Variants in TTN observed in about 807,000 individuals in gnomAD.
TTN encodes the protein connectin.
TTN carries 1,525 observed loss-of-function variants against 3,223.0 expected under a neutral mutation model. The ratio of observed to expected loss-of-function variants is 0.47; its 90% confidence interval spans 0.45 to 0.49. The LOEUF (loss-of-function observed/expected upper bound fraction) is 0.49, where lower values mean the gene tolerates loss of function less well. Ranked by LOEUF, TTN falls within the 20% of genes least tolerant of loss-of-function variation. The probability of loss-of-function intolerance (pLI) is 0.00; values close to 1 mark genes in which losing one functional copy is unlikely to be tolerated. For synonymous variants in TTN, 14,094 were observed against 15,161.0 expected, an observed-to-expected ratio of 0.93 and a Z score of 5.17; for missense variants, 40,786 against 43,424.0, an observed-to-expected ratio of 0.94 and a Z score of 5.40.
In TTN at chr2:178,715,139, G is replaced by C. The variant is rs932810095; in HGVS notation, c.26047C>G (p.Leu8683Val). ...ATCTTGTACTTCTTGCCGCTCCTAAGTTCTCTCTTGTCTTTATACCAAGAA... is the reference window on the plus strand; with the variant it reads ...ATCTTGTACTTCTTGCCGCTCCTAACTTCTCTCTTGTCTTTATACCAAGAA... ...HVSWYKDKRE[L>V]RSGKKYKIMS... Residue 8683 changes from leucine to valine, a missense_variant, in exon 90 of 363, where the codon CTT becomes GTT. Physicochemically the swap from Leu to Val is conservative, Grantham distance 32. Transcript: ENST00000589042. The C allele has an allele frequency of 1.7e-5, 27 of 1,613,602 alleles. No homozygotes were observed. Among genetic ancestry groups the C allele is most frequent in the Non-Finnish European group, 2.1e-5 (25 of 1,179,718 alleles).
chr2:178,789,556 T>A, intron 12 of TTN, 59 bp from the exon 13 acceptor site: 1 of 1,606,482 alleles, frequency 6.2e-7, no homozygotes, highest in East Asian at 2.2e-5. Flanking sequence ...ACACATAGTA[T>A]GACCCTTCCC....
Position 178,548,698 on chromosome 2 carries a change from A to C in TTN, c.92928T>G (p.Asp30976Glu). The C allele has an allele frequency of 6.2e-7, 1 of 1,613,842 alleles. No individual in the cohort carries two copies. The highest frequency in any genetic ancestry group is 8.5e-7 in the Non-Finnish European group (1 of 1,179,768). Residue 30976 changes from aspartate to glutamate, a missense_variant, in exon 339 of 363, where the codon GAT becomes GAG. Asp to Glu is a conservative substitution (Grantham distance 45, BLOSUM62 2). Coordinates refer to ENST00000589042, the MANE Select transcript of TTN (RefSeq NM_001267550.2). The surrounding 1 kb of genome is among the most constrained non-coding windows in gnomAD (Gnocchi z 4.3). The stretch of plus-strand genomic sequence containing the variant: ...TTTCCACAGTGAGGGTGCTGAAGGA[A>C]TCTGTTGTATGGATATCAGCCCGAA... ...LSLRADIHTT[D>E]SFSTLTVENC...
chr2:178,593,353 C>G lies in TTN; in HGVS notation c.58855G>C (p.Glu19619Gln), dbSNP rs2050656359. The G allele has an allele frequency of 7.4e-6, 12 of 1,613,346 alleles. No homozygotes were observed. Among genetic ancestry groups the G allele is most frequent in the Non-Finnish European group, 1.0e-5 (12 of 1,179,544 alleles). ...PITNYILEKRETMSKRWARVT... is the reference protein window; with the variant it reads ...PITNYILEKRQTMSKRWARVT... ...CTAGCCCATCGTTTAGACATAGTTTCTCTCTTTTCCAGGATGTAGTTTGTG... is the reference window on the plus strand; with the variant it reads ...CTAGCCCATCGTTTAGACATAGTTTGTCTCTTTTCCAGGATGTAGTTTGTG... The change falls in exon 299 of 363, where the codon GAA (glutamate) becomes CAA (glutamine). Residue 19619 changes from glutamate to glutamine, a missense_variant. Physicochemically the swap from Glu to Gln is conservative, Grantham distance 29 (BLOSUM62 2). Coordinates refer to ENST00000589042, the MANE Select transcript of TTN (RefSeq NM_001267550.2).
rs769452066 is a variant in TTN at position 178,717,093 on chromosome 2, A to C, written c.25639+2T>G. ...ATCTTGCTCCTTCACTCTAACAAGT[A>C]CCTTGTACACCCAGCTGAGCAGAAC... On this transcript the variant is annotated splice_donor_variant, in intron 88 of 362. Transcript: ENST00000589042. LOFTEE classifies it high-confidence loss of function. The C allele has an allele frequency of 6.8e-6, 11 of 1,608,058 alleles. No homozygotes were observed. The highest frequency in any genetic ancestry group is 9.4e-6 in the Non-Finnish European group (11 of 1,175,692).
In TTN at chr2:178,532,840, G is replaced by T; in HGVS notation, c.103775C>A (p.Pro34592His). Residue 34592 changes from proline (P) to histidine (H), a missense_variant, in exon 358 of 363, where the codon CCC becomes CAC. Physicochemically the swap from Pro to His is moderately conservative, Grantham distance 77. Transcript: ENST00000589042. ...GKLDRVVQKR[P>H]KRIRLSRWEQ... ...CCATCTTGAAAGGCGGATGCGCTTG[G>T]GTCGTTTCTGTACAACTCTGTCAAG... 2 of 1,613,866 alleles carry T rather than the reference G, an allele frequency of 1.2e-6. No homozygotes were observed. The highest frequency in any genetic ancestry group is 1.7e-6 in the Non-Finnish European group (2 of 1,179,850).
rs1414831373 is a variant in TTN, at chr2:178,577,971, T to C, written c.68527+17A>G. ...TGTAAAACATGCACCTGGGTTTTTCTTCATATAATGACTTACCAATTGGGT... is the reference window on the plus strand; with the variant it reads ...TGTAAAACATGCACCTGGGTTTTTCCTCATATAATGACTTACCAATTGGGT... On this transcript the variant is annotated intron_variant, in intron 322 of 362. Transcript: ENST00000589042. The C allele has an allele frequency of 4.4e-6, 7 of 1,601,142 alleles. No homozygotes were observed. Among genetic ancestry groups the C allele is most frequent in the Non-Finnish European group, 6.0e-6 (7 of 1,174,158 alleles).
At position 178,732,277 on chromosome 2, in the gene TTN, G is replaced by T; in HGVS notation, c.16692C>A (p.Ala5564=). 5 of 1,613,590 alleles carry T rather than the reference G, an allele frequency of 3.1e-6. No homozygotes were observed. The highest frequency in any genetic ancestry group is 4.2e-6 in the Non-Finnish European group (5 of 1,179,662). Residue 5564 remains alanine, a synonymous_variant, in exon 57 of 363, where the codon GCC becomes GCA. Coordinates refer to ENST00000589042, the MANE Select transcript of TTN (RefSeq NM_001267550.2). ...LLKKGDATQL[A]CKVTGTPPIK... Reference sequence around the variant, plus strand: ...TTGGAGGGGTACCAGTTACTTTGCAGGCTAGCTGGGTGGCATCTCCCTTCT... The same window carrying T: ...TTGGAGGGGTACCAGTTACTTTGCATGCTAGCTGGGTGGCATCTCCCTTCT...
chr2:178,675,403 T>C (rs1405593303), intron 149 of TTN: 4 of 384,164 alleles, frequency 1.0e-5, no homozygotes, highest in Non-Finnish European at 1.8e-5. Context: ...GAAATGGGTA[T>C]TTCAGGGACT....
intron 47 of TTN, chr2:178,751,902 C>T (rs1170012025): frequency 2.5e-6 from 4 of 1,602,708 alleles, no homozygotes; most frequent in Non-Finnish European, 3.4e-6. Flanking sequence ...TTAAAATATT[C>T]AGGCCAGGAG....
At position 178,702,202 on chromosome 2, in the gene TTN, T is replaced by G; in HGVS notation, c.30477A>C (p.Ala10159=). 6.2e-7 allele frequency: 1 copy of G among 1,614,024 alleles called. No homozygotes were observed. The highest frequency in any genetic ancestry group is 8.5e-7 in the Non-Finnish European group (1 of 1,179,890). ...TTAGGTACAGCTCTGCCGTGCTTCT[T>G]GCTTCACCTCTTGGCTCCAGCCGAG... ...VIARLEPRGE[A]RSTAELYLTT... Residue 10159 remains alanine, a synonymous_variant, in exon 108 of 363, where the codon GCA becomes GCC. Transcript: ENST00000589042.
chr2:178,582,043 G>A lies in TTN; in HGVS notation c.66326C>T (p.Pro22109Leu), dbSNP rs777960621. 9 of 1,613,190 alleles carry A rather than the reference G, an allele frequency of 5.6e-6. No homozygotes were observed. The highest frequency in any genetic ancestry group is 1.1e-5 in the South Asian group (1 of 91,056). ...TGCTTTTAATGTTCTTTCTATAATA[G>A]GTTTTCTGTTGACCTTAGTCCAGTT... ...AVNWTKVNRK[P>L]IIERTLKATG... The change falls in exon 315 of 363, where the codon CCT (proline) becomes CTT (leucine). Residue 22109 changes from proline (P) to leucine (L), a missense_variant. Coordinates refer to ENST00000589042, the MANE Select transcript of TTN (RefSeq NM_001267550.2).
rs397517697 is a variant in TTN at position 178,572,020 on chromosome 2, A to G, written c.74112T>C (p.Ser24704=). Residue 24704 remains serine (S), a synonymous_variant, in exon 326 of 363, where the codon AGT becomes AGC. Transcript: ENST00000589042. ...CAAGATCTTTGGCGATCACTGGCAC[A>G]CTCAGTTGTCTAGGATCACTGATGC... ...EKGISDPRQL[S]VPVIAKDLVI... 1.5e-5 allele frequency: 25 copies of G among 1,613,092 alleles called. No homozygotes were observed. The African/African-American group carries it at 3.1e-4, about 20-fold the overall frequency.
rs747898161 is a variant in TTN, at chr2:178,540,190, T to A, written c.97976A>T (p.Glu32659Val). ...CTGAGGTAGGTGTGTTAGAGTATACTCTCGAATCTTGGTTGGAGTGGTGTT... is the reference window on the plus strand; with the variant it reads ...CTGAGGTAGGTGTGTTAGAGTATACACTCGAATCTTGGTTGGAGTGGTGTT... The part of the protein sequence containing the change: ...KCNTTPTKIR[E>V]YTLTHLPQGA... The change falls in exon 351 of 363, where the codon GAG (glutamate) becomes GTG (valine). Residue 32659 changes from glutamate to valine, a missense_variant. Transcript: ENST00000589042. 1.9e-6 allele frequency: 3 copies of A among 1,613,736 alleles called. No homozygotes were observed. In the African/African-American group the frequency reaches 4.0e-5, roughly 22 times the overall value.
intron 113 of TTN, among the ~76,000 whole-genome samples, chr2:178,696,802 A>C (rs2073809459): frequency 6.6e-6 from 1 of 152,072 alleles, no homozygotes; most frequent in African/African-American, 2.4e-5. Context: ...TAAAGTTCTT[A>C]AGGGCTCTCA....
In TTN at chr2:178,725,955, C is replaced by A. The variant is rs368422028; in HGVS notation, c.20367G>T (p.Pro6789=). 3.7e-6 allele frequency: 6 copies of A among 1,612,290 alleles called. No individual in the cohort carries two copies. The East Asian group carries it at 8.9e-5, about 24-fold the overall frequency. The change falls in exon 70 of 363, where the codon CCG becomes CCT. Residue 6789 remains proline (P), a synonymous_variant. Coordinates refer to ENST00000589042, the MANE Select transcript of TTN (RefSeq NM_001267550.2). ...SLECELSGTP[P]FEVVWYKDKR... is the part of the protein sequence containing the mutation. ...TGTCTTTGTACCATACCACCTCAAA[C>A]GGTGGTGTTCCCGAAAGTTCACATT...
chr2:178,563,320 G>T lies in TTN; in HGVS notation c.82812C>A (p.Gly27604=), dbSNP rs55744009. The T allele has an allele frequency of 6.2e-7, 1 of 1,613,612 alleles. No individual in the cohort carries two copies. The highest frequency in any genetic ancestry group is 8.5e-7 in the Non-Finnish European group (1 of 1,179,718). Reference sequence around the variant, plus strand: ...CAGCTTCTTTGACCTCTACAACATAGCCTTTAACAGGTGCGCCACCATCAT... The same window carrying T: ...CAGCTTCTTTGACCTCTACAACATATCCTTTAACAGGTGCGCCACCATCAT... ...PIYDGGAPVK[G]YVVEVKEAAA... Residue 27604 remains glycine (G), a synonymous_variant, in exon 326 of 363, where the codon GGC becomes GGA. Transcript: ENST00000589042. The surrounding 1 kb of genome is among the most constrained non-coding windows in gnomAD (Gnocchi z 4.5).
At position 178,581,996 on chromosome 2, in the gene TTN, C is replaced by T. The variant is rs752675920; in HGVS notation, c.66373G>A (p.Glu22125Lys). 8.1e-6 allele frequency: 13 copies of T among 1,613,158 alleles called. No individual in the cohort carries two copies. The Admixed American group carries it at 1.0e-4, about 12-fold the overall frequency. ...LKATGLQEGT[E>K]YEFRVTAINK... ...ATAGCTGTAACACGGAACTCATATT[C>T]GGTACCTTCTTGAAGACCTGTTGCT... Residue 22125 changes from glutamate to lysine, a missense_variant, in exon 315 of 363, where the codon GAA becomes AAA. Glu to Lys is a moderately conservative substitution (Grantham distance 56). Transcript: ENST00000589042.
intron 240 of TTN, among the ~76,000 whole-genome samples, chr2:178,626,140 A>G (rs1038409757): frequency 1.3e-5 from 2 of 151,990 alleles, no homozygotes; most frequent in African/African-American, 4.8e-5. Context: ...AGTAAACCTT[A>G]TGTTCTGTAT....
chr2:178,795,773 T>G (rs916704087), intron 6 of TTN, among the ~76,000 whole-genome samples: 7 of 152,320 alleles, frequency 4.6e-5, no homozygotes, highest in Admixed American at 2.0e-4. Flanking sequence ...TATGTCAGTA[T>G]GCCTTGTGAA....
Sources: gnomAD v4.1 joint callset for allele counts (sites outside exome capture counted in the v4.1 genomes callset) on GRCh38, gnomAD v4.1.1 for gene constraint, Gnocchi (gnomAD v3.1) non-coding constraint, MANE v1.5 for transcripts, NCBI Gene and HGNC (gene_info 2026-07-23, HGNC 2026-07-21) for gene names.